PKHD1: variants seen among roughly 807,000 people sequenced by gnomAD.
PKHD1 encodes the protein PKHD1 ciliary IPT domain containing fibrocystin/polyductin.
A neutral mutation model predicts 412.0 loss-of-function variants in PKHD1; 291 were observed. The observed-to-expected ratio is 0.71, with a 90% CI of 0.64 to 0.78. PKHD1 has a LOEUF of 0.78. PKHD1 is among the 30% of genes least tolerant of loss of function. The pLI, the probability that PKHD1 is intolerant of heterozygous loss-of-function variation, is 0.00. For synonymous variants in PKHD1, 1,777 were observed against 1,821.5 expected (o/e 0.98, Z 0.62); for missense variants, 4,825 against 4,950.7 (o/e 0.97, Z 0.76).
chr6:51,735,706 G>A (rs1477963187), intron 60 of PKHD1, among the ~76,000 whole-genome samples: 7 of 151,982 alleles, frequency 4.6e-5, no homozygotes, highest in Non-Finnish European at 8.8e-5. Context: ...TAAGAGGATC[G>A]CTTGAGACCA....
rs901911940 is a variant in PKHD1, at chr6:51,809,203, A to C, written c.8303-17830T>G. 5.3e-5 allele frequency among the ~76,000 whole-genome samples: 8 copies of C among 152,250 alleles called. No homozygotes were observed. The South Asian group carries it at 8.3e-4, about 16-fold the overall frequency. Reference sequence around the variant, plus strand: ...TCTTGTATTTCCTTTTGATTCCTTTATATTTAATATAAGACTCTAGTTCGT... The same window carrying C: ...TCTTGTATTTCCTTTTGATTCCTTTCTATTTAATATAAGACTCTAGTTCGT... On this transcript the variant is annotated intron_variant, in intron 52 of 66. Transcript: ENST00000371117.
intron 35 of PKHD1, among the ~76,000 whole-genome samples, chr6:51,996,548 T>C (rs928557690): frequency 3.3e-5 from 5 of 152,226 alleles, no homozygotes; most frequent in South Asian, 2.1e-4. Context: ...GACTTTAAAG[T>C]CCTGCGGGCC....
rs142613358 is a variant in PKHD1 at position 51,926,110 on chromosome 6, A to C, written c.6121+8000T>G. 1.2e-3 allele frequency among the ~76,000 whole-genome samples: 182 copies of C among 152,324 alleles called. 1 individual carries two copies. Among genetic ancestry groups the C allele is most frequent in the African/African-American group, 4.1e-3 (172 of 41,580 alleles). Reference sequence around the variant, plus strand: ...AATAATGTTGAAAGCTAAGGAGAAGAAAACCGAAGGAGCAATGTCAAACGG... The same window carrying C: ...AATAATGTTGAAAGCTAAGGAGAAGCAAACCGAAGGAGCAATGTCAAACGG... On this transcript the variant is annotated intron_variant, in intron 37 of 66. Coordinates refer to ENST00000371117, the MANE Select transcript of PKHD1 (RefSeq NM_138694.4).
intron 10 of PKHD1, 42 bp from the exon 11 acceptor site, chr6:52,069,569 C>T (rs1015913562): frequency 1.3e-5 from 20 of 1,490,644 alleles, no homozygotes; most frequent in Non-Finnish European, 1.9e-5. Context: ...AAAATATCAA[C>T]TGGGATTGCA....
intron 60 of PKHD1, among the ~76,000 whole-genome samples, chr6:51,722,664 A>G (rs1782071948): frequency 6.6e-6 from 1 of 152,236 alleles, no homozygotes; most frequent in South Asian, 2.1e-4. Context: ...TAATCAATAT[A>G]TATTGGTTAA....
chr6:51,862,528 G>C (rs1774353175), intron 48 of PKHD1, among the ~76,000 whole-genome samples: 1 of 152,148 alleles, frequency 6.6e-6, no homozygotes, highest in African/African-American at 2.4e-5. Flanking sequence ...CCCTAGGAAG[G>C]AAAGTCAAGC....
intron 45 of PKHD1, among the ~76,000 whole-genome samples, chr6:51,884,243 A>C (rs775247123): frequency 3.9e-5 from 6 of 152,308 alleles, no homozygotes; most frequent in Admixed American, 6.5e-5. Flanking sequence ...GTGTGTGACC[A>C]TCTAGTTATA....
chr6:52,024,864 A>G lies in PKHD1; in HGVS notation c.4946T>C (p.Val1649Ala). ...EVDGLWYHIG[V>A]IGYNKAFTPE... Reference sequence around the variant, plus strand: ...GGTAAAGGCCTTGTTATAACCAATGACTCCTATGTGATACCAAAGTCCATC... The same window carrying G: ...GGTAAAGGCCTTGTTATAACCAATGGCTCCTATGTGATACCAAAGTCCATC... The change falls in exon 32 of 67, where the codon GTC becomes GCC. Residue 1649 changes from valine to alanine, a missense_variant. Physicochemically the swap from Val to Ala is moderately conservative, Grantham distance 64 (BLOSUM62 0). Transcript: ENST00000371117. 1 of 1,614,002 alleles carries G rather than the reference A, an allele frequency of 6.2e-7. No homozygotes were observed. The highest frequency in any genetic ancestry group is 8.5e-7 in the Non-Finnish European group (1 of 1,179,992).
intron 35 of PKHD1, among the ~76,000 whole-genome samples, chr6:51,967,698 T>G (rs954628518): frequency 6.6e-6 from 1 of 151,678 alleles, no homozygotes; most frequent in African/African-American, 2.4e-5. Flanking sequence ...CGCACTCACG[T>G]GCATGCACAT....
intron 60 of PKHD1, chr6:51,741,249 T>G: frequency 1.9e-6 from 1 of 515,922 alleles, no homozygotes; most frequent in South Asian, 1.4e-5. Context: ...ATTTTAGAGT[T>G]TCTATTTGTA....
chr6:51,851,171 T>C (rs1017963912), intron 49 of PKHD1, among the ~76,000 whole-genome samples: 6 of 152,254 alleles, frequency 3.9e-5, no homozygotes, highest in Non-Finnish European at 7.3e-5. Flanking sequence ...GTTTTTGTCT[T>C]TGGTTCTGTT....
chr6:51,658,660 A>G (rs1461275853), intron 61 of PKHD1, among the ~76,000 whole-genome samples: 1 of 152,128 alleles, frequency 6.6e-6, no homozygotes, highest in Non-Finnish European at 1.5e-5. Context: ...CAAATGAACT[A>G]AAAACAAGTT....
rs199768081 is a variant in PKHD1, at chr6:52,044,978, G to A, written c.2703C>T (p.Asn901=). The A allele has an allele frequency of 9.7e-5, 157 of 1,613,514 alleles. No homozygotes were observed. Among genetic ancestry groups the A allele is most frequent in the Middle Eastern group, 5.0e-4 (3 of 6,056 alleles). Residue 901 remains asparagine (N), a synonymous_variant, in exon 25 of 67, where the codon AAC becomes AAT. Transcript: ENST00000371117. ...CATTCACTCTCACCTGAGTATGCTG[G>A]TTGGCAGTAGCCAACATGTCTCCAA... ...PIFGDMLATA[N]QHTQVVVRVN... is the part of the protein sequence containing the mutation.
At chr6:51,922,252 G>A (rs1784821963) in intron 37 of PKHD1, among the ~76,000 whole-genome samples, 2 of 152,250 alleles carry the variant, frequency 1.3e-5, no homozygotes, top group African/African-American at 2.4e-5. Flanking sequence ...GGTATCACCA[G>A]CAGAGGCTGA....
intron 43 of PKHD1, among the ~76,000 whole-genome samples, chr6:51,895,129 T>C (rs968036291): frequency 6.6e-6 from 1 of 152,220 alleles, no homozygotes; most frequent in Admixed American, 6.5e-5. Flanking sequence ...TTCTTCAAAG[T>C]ACTCTGTATA....
intron 60 of PKHD1, among the ~76,000 whole-genome samples, chr6:51,665,106 T>C (rs1314122032): frequency 6.6e-6 from 1 of 152,128 alleles, no homozygotes; most frequent in Non-Finnish European, 1.5e-5. Flanking sequence ...GAACAAGATA[T>C]CTTTTCTCCA....
chr6:51,932,367 C>T (rs1302734065), intron 37 of PKHD1, among the ~76,000 whole-genome samples: 1 of 152,184 alleles, frequency 6.6e-6, no homozygotes, highest in Non-Finnish European at 1.5e-5. Context: ...CATTTTTCCT[C>T]ATTTGAATTC....
In PKHD1 at chr6:52,044,095, G is replaced by C. The variant is rs148910002; in HGVS notation, c.2716-365C>G. On this transcript the variant is annotated intron_variant, in intron 25 of 66. Coordinates refer to ENST00000371117, the MANE Select transcript of PKHD1 (RefSeq NM_138694.4). The stretch of plus-strand genomic sequence containing the variant: ...TATGTGACAAGCTCTTTATTTGCTA[G>C]TAAAGACCAACAAATTTGGTGCATT... Among the ~76,000 whole-genome samples the C allele has an allele frequency of 2.5e-3, 386 of 152,258 alleles. 2 individuals are homozygous for C. The highest frequency in any genetic ancestry group is 4.8e-3 in the Non-Finnish European group (326 of 67,998).
intron 55 of PKHD1, among the ~76,000 whole-genome samples, chr6:51,772,041 C>G (rs1434559801): frequency 6.6e-6 from 1 of 151,990 alleles, no homozygotes; most frequent in Non-Finnish European, 1.5e-5. Context: ...CCCATATTTT[C>G]TATGTGTATT....
Sources: gnomAD v4.1 joint callset for allele counts (sites outside exome capture counted in the v4.1 genomes callset) on GRCh38, gnomAD v4.1.1 for gene constraint, MANE v1.5 for transcripts, NCBI Gene and HGNC (gene_info 2026-07-23, HGNC 2026-07-21) for gene names.